Variants in ANKRD44 observed in about 807,000 individuals in gnomAD.
ANKRD44 encodes serine/threonine-protein phosphatase 6 regulatory ankyrin repeat subunit B.
ANKRD44 carries 35 observed loss-of-function variants against 116.0 expected under a neutral mutation model. The ratio of observed to expected loss-of-function variants is 0.30; its 90% confidence interval spans 0.23 to 0.40. ANKRD44 has a LOEUF of 0.40. Among genes scored for constraint, ANKRD44 ranks in the 10% least tolerant of loss-of-function variants. ANKRD44 has a pLI of 1.00. For synonymous variants in ANKRD44, 435 were observed against 461.8 expected, an observed-to-expected ratio of 0.94 and a Z score of 0.74; for missense variants, 1,014 against 1,242.6, an observed-to-expected ratio of 0.82 and a Z score of 2.77.
chr2:197,122,550 C>T, intron 7 of ANKRD44, 100 bp downstream of exon 7: 1 of 1,448,716 alleles, frequency 6.9e-7, no homozygotes, highest in Non-Finnish European at 9.3e-7. Flanking sequence ...GAAAACAATT[C>T]CCCTGCCCTT....
intron 21 of ANKRD44, among the ~76,000 whole-genome samples, chr2:196,968,001 G>A (rs1316834646): frequency 1.3e-5 from 2 of 151,620 alleles, no homozygotes; most frequent in East Asian, 3.9e-4. Context: ...CACCATAACT[G>A]TAAGCTTCCT....
chr2:196,967,320 A>G lies in ANKRD44; in HGVS notation c.*119T>C. ...TACTCCCTTTCCCTTCCCCAACCGC[A>G]GCTCCTGCAGAGTGTAACCCTTTGC... is the stretch of plus-strand genomic sequence containing the variant. On this transcript the variant is annotated 3_prime_UTR_variant, in exon 22 of 22. Transcript: ENST00000424317. 7.8e-6 allele frequency: 3 copies of G among 382,970 alleles called. 1 individual carries two copies. In the Admixed American group the frequency reaches 8.9e-5, roughly 11 times the overall value. 23.7% of individuals were successfully genotyped at this position (382,970 alleles called of 1,614,324 possible).
intron 4 of ANKRD44, among the ~76,000 whole-genome samples, chr2:197,126,357 C>T (rs1423085234): frequency 6.6e-6 from 1 of 152,176 alleles, no homozygotes; most frequent in Non-Finnish European, 1.5e-5. Context: ...TGCAAGTGTG[C>T]ATACCAGGGT....
intron 1 of ANKRD44, among the ~76,000 whole-genome samples, chr2:197,304,968 C>T (rs116068820): frequency 2.0e-5 from 3 of 152,162 alleles, no homozygotes; most frequent in Non-Finnish European, 4.4e-5. Flanking sequence ...CACTGTCAAG[C>T]CTGTGGTGAG....
chr2:197,109,988 T>A (rs981433949), intron 9 of ANKRD44, among the ~76,000 whole-genome samples: 1 of 151,972 alleles, frequency 6.6e-6, no homozygotes, highest in Admixed American at 6.6e-5. Context: ...TGAATTTTTT[T>A]TTTTTTAAGA....
chr2:196,992,498 T>C (rs889143999), intron 27 of ANKRD44, among the ~76,000 whole-genome samples: 3 of 152,088 alleles, frequency 2.0e-5, no homozygotes, highest in African/African-American at 7.2e-5. Flanking sequence ...TGCAGCAGAT[T>C]TACACCAGGA....
At chr2:197,129,205 C>T (rs1320330266) in intron 4 of ANKRD44, among the ~76,000 whole-genome samples, 11 of 151,972 alleles carry the variant, frequency 7.2e-5, no homozygotes, top group African/African-American at 2.2e-4. Flanking sequence ...GGTACCAACC[C>T]GGCTCACTGC....
At chr2:197,076,417 T>C (rs62279195) in intron 16 of ANKRD44, among the ~76,000 whole-genome samples, 19,588 of 152,182 alleles carry the variant, frequency 0.13, 1,481 homozygotes, top group Non-Finnish European at 0.17. Flanking sequence ...TGTTAAGATA[T>C]TGGGTTCCTA....
chr2:197,114,721 A>G (rs975871440), intron 8 of ANKRD44, among the ~76,000 whole-genome samples: 17 of 152,156 alleles, frequency 1.1e-4, no homozygotes, highest in African/African-American at 4.1e-4. Flanking sequence ...TGGCCCTACT[A>G]CAGAGCAATA....
intron 4 of ANKRD44, among the ~76,000 whole-genome samples, chr2:197,128,500 T>C (rs1046295921): frequency 6.6e-6 from 1 of 152,238 alleles, no homozygotes; most frequent in Non-Finnish European, 1.5e-5. Context: ...TATTTCTTGA[T>C]AAATTTGTGT....
chr2:197,045,367 C>T (rs1005830219), intron 16 of ANKRD44, among the ~76,000 whole-genome samples: 1 of 152,162 alleles, frequency 6.6e-6, no homozygotes, highest in Non-Finnish European at 1.5e-5. Context: ...CAGGACCAAC[C>T]ACTAACAGTA....
chr2:197,082,745 G>A (rs1054135240), intron 14 of ANKRD44, among the ~76,000 whole-genome samples: 1 of 152,162 alleles, frequency 6.6e-6, no homozygotes, highest in Admixed American at 6.5e-5. Context: ...TCCTATGAAG[G>A]AAGCCCTTCC....
chr2:197,082,204 T>C (rs1035161811), intron 14 of ANKRD44, among the ~76,000 whole-genome samples: 1 of 152,154 alleles, frequency 6.6e-6, no homozygotes, highest in African/African-American at 2.4e-5. Context: ...TTCCCCATCC[T>C]TTTCACCACC....
chr2:197,115,079 C>T (rs892103986), intron 8 of ANKRD44, among the ~76,000 whole-genome samples: 3 of 152,166 alleles, frequency 2.0e-5, no homozygotes, highest in African/African-American at 7.2e-5. Flanking sequence ...GGGAACTGGT[C>T]CACTTCAAGC....
chr2:197,088,857 G>A (rs1404446474), intron 11 of ANKRD44, 83 bp from the exon 12 acceptor site: 1 of 1,441,810 alleles, frequency 6.9e-7, no homozygotes, highest in Admixed American at 2.1e-5. Flanking sequence ...ACATTGCAGA[G>A]ACAGAAAAAT....
At chr2:197,015,662 A>G in intron 17 of ANKRD44, 1 of 546,756 alleles carries the variant, frequency 1.8e-6, no homozygotes, top group Non-Finnish European at 3.4e-6. Flanking sequence ...AGAGGTAGTT[A>G]TGGAGGAGGT....
At chr2:197,126,139 C>A in intron 4 of ANKRD44, 102 bp from the exon 5 acceptor site, 1 of 1,150,196 alleles carries the variant, frequency 8.7e-7, no homozygotes, top group Non-Finnish European at 1.3e-6. Context: ...GAGAGAAAGG[C>A]TCCCCAACCC....
intron 2 of ANKRD44, among the ~76,000 whole-genome samples, chr2:197,165,208 A>T (rs1325450432): frequency 4.6e-5 from 7 of 152,242 alleles, no homozygotes; most frequent in Non-Finnish European, 8.8e-5. Flanking sequence ...AGCAAATTCC[A>T]GAGTAAACAA....
At chr2:197,065,019 C>T (rs576581289) in intron 16 of ANKRD44, among the ~76,000 whole-genome samples, 9 of 152,294 alleles carry the variant, frequency 5.9e-5, no homozygotes, top group Admixed American at 2.6e-4. Context: ...AGCACCACAT[C>T]GCACTTATTC....
Sources: gnomAD v4.1 joint callset for allele counts (sites outside exome capture counted in the v4.1 genomes callset) on GRCh38, gnomAD v4.1.1 for gene constraint, MANE v1.5 for transcripts, NCBI Gene and HGNC (gene_info 2026-07-23, HGNC 2026-07-21) for gene names.